The following PDE4D variants were observed in gnomAD, a reference collection of about 807,000 sequenced individuals.
PDE4D encodes 3',5'-cyclic-AMP phosphodiesterase 4D.
In PDE4D, 24 loss-of-function variants were observed where a neutral mutation model predicts 87.4. The observed-to-expected ratio is 0.27, with a 90% CI of 0.20 to 0.39. PDE4D has a LOEUF of 0.39. Ranked by LOEUF, PDE4D falls within the 10% of genes least tolerant of loss-of-function variation. The pLI is 1.00. For missense variants in PDE4D, 714 were observed against 1,041.0 expected (o/e 0.69, Z 4.32); for synonymous variants, 384 against 383.2 (o/e 1.00, Z -0.02).
At chr5:59,403,142 T>TAGACAGAC (rs58074813) in intron 1 of PDE4D, among the ~76,000 whole-genome samples, 491 of 149,984 alleles carry the variant, frequency 3.3e-3, no homozygotes, top group South Asian at 5.4e-3. Context: ...GGTAGGTAGG[T>TAGACAGAC]AGACAGACAG....
At chr5:59,724,402 C>T (rs1756289809) in intron 1 of PDE4D, among the ~76,000 whole-genome samples, 1 of 151,904 alleles carries the variant, frequency 6.6e-6, no homozygotes, top group Non-Finnish European at 1.5e-5. Flanking sequence ...ACATAAGCAG[C>T]TTTATTACAT....
At chr5:59,635,716 G>T (rs1474132824) in intron 1 of PDE4D, among the ~76,000 whole-genome samples, 1 of 151,376 alleles carries the variant, frequency 6.6e-6, no homozygotes, top group Non-Finnish European at 1.5e-5. Context: ...CACTCAATAG[G>T]TATTGATGTA....
intron 1 of PDE4D, among the ~76,000 whole-genome samples, chr5:60,437,160 G>C (rs527561175): frequency 6.6e-6 from 1 of 152,068 alleles, no homozygotes; most frequent in East Asian, 1.9e-4. Context: ...GAACATATGT[G>C]AACCTATTTC....
chr5:59,379,193 A>G (rs1031910692), intron 1 of PDE4D, among the ~76,000 whole-genome samples: 2 of 152,100 alleles, frequency 1.3e-5, no homozygotes, highest in Non-Finnish European at 2.9e-5. Context: ...GACTCTAATG[A>G]TGTGTCTGCG....
intron 2 of PDE4D, among the ~76,000 whole-genome samples, chr5:59,208,440 GAT>G (rs1191979438): frequency 3.3e-5 from 5 of 152,160 alleles, no homozygotes; most frequent in Admixed American, 6.5e-5. Context: ...TAATAGCCAA[GAT>G]ATATTACTAC....
chr5:60,417,847 T>G (rs951967632), intron 1 of PDE4D, among the ~76,000 whole-genome samples: 1 of 152,096 alleles, frequency 6.6e-6, no homozygotes, highest in African/African-American at 2.4e-5. Context: ...AGAAATGTCC[T>G]TGTCTATAAT....
chr5:59,170,286 G>C (rs1429476470), intron 5 of PDE4D, among the ~76,000 whole-genome samples: 1 of 152,098 alleles, frequency 6.6e-6, no homozygotes, highest in Admixed American at 6.6e-5. Context: ...CAAAGTGCTG[G>C]AATTACAGGT....
intron 1 of PDE4D, among the ~76,000 whole-genome samples, chr5:59,236,848 T>C (rs950020601): frequency 1.3e-5 from 2 of 151,440 alleles, no homozygotes; most frequent in Non-Finnish European, 2.9e-5. Flanking sequence ...GAAGAAGGAA[T>C]GAAGGAAGAA....
chr5:59,704,078 A>C (rs2150470753), intron 1 of PDE4D, among the ~76,000 whole-genome samples: 1 of 152,302 alleles, frequency 6.6e-6, no homozygotes, highest in Non-Finnish European at 1.5e-5. Context: ...AAGATATTTC[A>C]AGGAGTGCGA....
At chr5:59,981,062 G>A (rs1032386068) in intron 3 of PDE4D, among the ~76,000 whole-genome samples, 1 of 152,030 alleles carries the variant, frequency 6.6e-6, no homozygotes, top group African/African-American at 2.4e-5. Context: ...GAACAGCCTG[G>A]CCAACATGGC....
intron 1 of PDE4D, among the ~76,000 whole-genome samples, chr5:59,544,744 T>G (rs1816967616): frequency 6.6e-6 from 1 of 152,136 alleles, no homozygotes. Flanking sequence ...TTAGCAAGTG[T>G]TTTTACAAAT....
At chr5:59,713,772 G>A (rs538357672) in intron 1 of PDE4D, among the ~76,000 whole-genome samples, 2 of 152,190 alleles carry the variant, frequency 1.3e-5, no homozygotes, top group Non-Finnish European at 2.9e-5. Context: ...GCAGCTGGAA[G>A]TGCAGAGCAC....
chr5:60,337,889 C>T (rs1757954861), intron 1 of PDE4D, among the ~76,000 whole-genome samples: 1 of 151,784 alleles, frequency 6.6e-6, no homozygotes. Flanking sequence ...AAAAACATTC[C>T]TCATGGGCTA....
At chr5:60,163,846 A>G (rs552253079) in intron 2 of PDE4D, among the ~76,000 whole-genome samples, 124 of 152,330 alleles carry the variant, frequency 8.1e-4, no homozygotes, top group Admixed American at 7.2e-4. Flanking sequence ...TTGAATACAA[A>G]TGAAAAGAAG....
rs1402706369 is a variant in PDE4D at position 58,973,395 on chromosome 5, G to GA, written c.*1268dup. The GA allele has an allele frequency of 2.0e-5, 3 of 151,944 alleles. No homozygotes were observed. Among genetic ancestry groups the GA allele is most frequent in the East Asian group, 3.9e-4 (2 of 5,174 alleles). 9.4% of individuals were successfully genotyped at this position (151,944 alleles called of 1,614,324 possible). ...GCTAAATTATAAAGCAGCACAAGGG[G>GA]AAAAACCTTTTTCTTACTATAACTG... On this transcript the variant is annotated 3_prime_UTR_variant, in exon 15 of 15. Coordinates refer to ENST00000340635, the MANE Select transcript of PDE4D (RefSeq NM_001104631.2).
chr5:59,915,516 C>T (rs1263820847), intron 3 of PDE4D, among the ~76,000 whole-genome samples: 4 of 152,094 alleles, frequency 2.6e-5, no homozygotes, highest in African/African-American at 4.8e-5. Context: ...TTCAGCAGAC[C>T]TTGGAAAGGA....
intron 1 of PDE4D, among the ~76,000 whole-genome samples, chr5:59,757,096 C>T (rs1214154984): frequency 6.6e-6 from 1 of 152,140 alleles, no homozygotes; most frequent in Non-Finnish European, 1.5e-5. Context: ...CCGCACCCGG[C>T]CGGTTCTTAC....
At chr5:58,994,987 C>T (rs1748876113) in intron 6 of PDE4D, among the ~76,000 whole-genome samples, 1 of 135,446 alleles carries the variant, frequency 7.4e-6, no homozygotes, top group African/African-American at 2.8e-5. Context: ...TTGTTCAATT[C>T]CCACATGTAC....
chr5:60,195,357 A>G (rs1015989679), intron 1 of PDE4D, among the ~76,000 whole-genome samples: 2 of 151,726 alleles, frequency 1.3e-5, no homozygotes, highest in African/African-American at 4.8e-5. Context: ...GTTAGAAAAC[A>G]TTTCATGTTT....
Sources: allele counts gnomAD v4.1 joint callset (sites outside exome capture counted in the v4.1 genomes callset), GRCh38; gene constraint gnomAD v4.1.1; transcripts MANE v1.5; gene names NCBI Gene and HGNC (gene_info 2026-07-23, HGNC 2026-07-21).